CAMKMT: variants seen among roughly 807,000 people sequenced by gnomAD.
CAMKMT encodes the protein calmodulin-lysine N-methyltransferase, also known as CaM KMT.
Under a neutral mutation model 48.0 loss-of-function variants are expected in CAMKMT, and 53 were observed. The observed-to-expected ratio is 1.10, with a 90% CI of 0.89 to 1.39. The LOEUF is 1.39. CAMKMT is among the 40% of genes most tolerant of loss of function. The probability of loss-of-function intolerance (pLI) is 0.00; values close to 1 mark genes in which losing one functional copy is unlikely to be tolerated. For missense variants in CAMKMT, 428 were observed against 402.7 expected (o/e 1.06, Z -0.54); for synonymous variants, 165 against 152.3 (o/e 1.08, Z -0.61).
intron 3 of CAMKMT, among the ~76,000 whole-genome samples, chr2:44,558,364 A>G (rs1029328481): frequency 6.6e-6 from 1 of 152,124 alleles, no homozygotes; most frequent in Non-Finnish European, 1.5e-5. Context: ...TAAGAGCTCT[A>G]TTGCATTGCC....
chr2:44,454,268 A>C (rs1196429019), intron 3 of CAMKMT, among the ~76,000 whole-genome samples: 1 of 152,106 alleles, frequency 6.6e-6, no homozygotes. Flanking sequence ...TAATTGCCAG[A>C]GCTTTTAAAA....
chr2:44,529,225 G>T (rs569938592), intron 3 of CAMKMT, among the ~76,000 whole-genome samples: 1 of 152,202 alleles, frequency 6.6e-6, no homozygotes, highest in East Asian at 1.9e-4. Flanking sequence ...TGAACTCCTA[G>T]ATTTTTTAAC....
chr2:44,389,555 T>C (rs886346415), intron 2 of CAMKMT, among the ~76,000 whole-genome samples: 1 of 152,174 alleles, frequency 6.6e-6, no homozygotes, highest in Admixed American at 6.5e-5. Flanking sequence ...GGATTAGCAC[T>C]AATTTTTTTT....
chr2:44,622,079 C>T (rs151189697), intron 3 of CAMKMT, among the ~76,000 whole-genome samples: 99 of 152,182 alleles, frequency 6.5e-4, no homozygotes, highest in African/African-American at 1.6e-3. Flanking sequence ...GTTTAATTTA[C>T]GTAAATCATT....
At chr2:44,707,200 C>T (rs755034083) in intron 5 of CAMKMT, among the ~76,000 whole-genome samples, 199 bp from the exon 6 acceptor site, 139 of 151,796 alleles carry the variant, frequency 9.2e-4, no homozygotes, top group Non-Finnish European at 1.5e-3. Context: ...TAGAGGCTCC[C>T]GCAAATGGAA....
intron 3 of CAMKMT, among the ~76,000 whole-genome samples, chr2:44,396,643 AG>A (rs1430566089): frequency 2.0e-5 from 3 of 151,812 alleles, no homozygotes; most frequent in Admixed American, 6.6e-5. Flanking sequence ...CTGTTGGTGG[AG>A]GGGGGTAGGT....
chr2:44,367,016 T>C (rs1678665961), intron 1 of CAMKMT, among the ~76,000 whole-genome samples: 1 of 152,290 alleles, frequency 6.6e-6, no homozygotes, highest in Admixed American at 6.5e-5. Context: ...TGAGCCACCA[T>C]GCCCGGCCTG....
chr2:44,597,956 C>A (rs1207370605), intron 3 of CAMKMT, among the ~76,000 whole-genome samples: 1 of 152,168 alleles, frequency 6.6e-6, no homozygotes, highest in East Asian at 1.9e-4. Flanking sequence ...AGGCTGGTCT[C>A]GAACTCCTGA....
chr2:44,502,438 T>C (rs1670053379), intron 3 of CAMKMT, among the ~76,000 whole-genome samples: 1 of 152,180 alleles, frequency 6.6e-6, no homozygotes, highest in Non-Finnish European at 1.5e-5. Context: ...TGTACCCTTT[T>C]AACTTTCTTT....
At chr2:44,500,584 T>G (rs962154998) in intron 3 of CAMKMT, among the ~76,000 whole-genome samples, 26 of 152,094 alleles carry the variant, frequency 1.7e-4, no homozygotes, top group Admixed American at 1.3e-4. Context: ...TTGACCCAAG[T>G]TATTATATAT....
intron 3 of CAMKMT, among the ~76,000 whole-genome samples, chr2:44,422,659 A>C (rs917209485): frequency 6.6e-6 from 1 of 151,800 alleles, no homozygotes; most frequent in South Asian, 2.1e-4. Flanking sequence ...GAATTGGACT[A>C]TCCAAATATA....
chr2:44,617,611 A>G (rs920736196), intron 3 of CAMKMT, among the ~76,000 whole-genome samples: 23 of 152,348 alleles, frequency 1.5e-4, no homozygotes, highest in African/African-American at 4.8e-4. Flanking sequence ...ATTTTATCCA[A>G]TAGTTTATAC....
chr2:44,408,392 G>C (rs1272763521), intron 3 of CAMKMT, among the ~76,000 whole-genome samples: 1 of 152,048 alleles, frequency 6.6e-6, no homozygotes, highest in African/African-American at 2.4e-5. Context: ...GACAATAACA[G>C]TAAAATGATA....
intron 3 of CAMKMT, among the ~76,000 whole-genome samples, chr2:44,403,530 G>A (rs1053669158): frequency 6.6e-6 from 1 of 152,072 alleles, no homozygotes; most frequent in Non-Finnish European, 1.5e-5. Flanking sequence ...ATGTAACTCC[G>A]GTTGCTTCTT....
At chr2:44,728,839 CTTTTTTTTTTT>C (rs70937931) in intron 7 of CAMKMT, among the ~76,000 whole-genome samples, 1 of 58,310 alleles carries the variant, frequency 1.7e-5, no homozygotes, top group Non-Finnish European at 3.5e-5. Context: ...GGGGTCTATC[CTTTTTTTTTTT>C]TTTTTTTTTT....
chr2:44,456,817 TC>T (rs1667587885), intron 3 of CAMKMT: 1 of 492,230 alleles, frequency 2.0e-6, no homozygotes, highest in Non-Finnish European at 3.5e-6. Flanking sequence ...TTACGATTTC[TC>T]CTTCTCCAGC....
intron 3 of CAMKMT, among the ~76,000 whole-genome samples, chr2:44,636,308 A>G (rs1673130945): frequency 6.6e-6 from 1 of 152,218 alleles, no homozygotes; most frequent in Admixed American, 6.5e-5. Flanking sequence ...CTGGGAAGAC[A>G]GAATTAGGAT....
intron 3 of CAMKMT, among the ~76,000 whole-genome samples, chr2:44,416,211 T>A (rs1156342910): frequency 6.6e-6 from 1 of 152,234 alleles, no homozygotes; most frequent in Non-Finnish European, 1.5e-5. Flanking sequence ...GGGATTTTCA[T>A]ATCTTAACAG....
At chr2:44,561,820 G>T (rs1668338905) in intron 3 of CAMKMT, among the ~76,000 whole-genome samples, 1 of 152,162 alleles carries the variant, frequency 6.6e-6, no homozygotes, top group Admixed American at 6.6e-5. Flanking sequence ...ATCTGATACT[G>T]CTAAATGAAC....
Sources: allele counts gnomAD v4.1 joint callset (sites outside exome capture counted in the v4.1 genomes callset), GRCh38; gene constraint gnomAD v4.1.1; transcripts MANE v1.5; gene names NCBI Gene and HGNC (gene_info 2026-07-23, HGNC 2026-07-21).